Variants in SUZ12 observed in about 807,000 individuals in gnomAD.
SUZ12 encodes SUZ12 polycomb repressive complex 2 subunit.
In SUZ12, 17 loss-of-function variants were observed where a neutral mutation model predicts 87.3. The observed-to-expected ratio is 0.19, with a 90% CI of 0.13 to 0.29. SUZ12 has a LOEUF of 0.29. Ranked by LOEUF, SUZ12 falls within the 10% of genes least tolerant of loss-of-function variation. The probability of loss-of-function intolerance (pLI) is 1.00; values close to 1 mark genes in which losing one functional copy is unlikely to be tolerated. For synonymous variants in SUZ12, 253 were observed against 312.4 expected, an observed-to-expected ratio of 0.81 and a Z score of 2.01; for missense variants, 526 against 912.2, an observed-to-expected ratio of 0.58 and a Z score of 5.45.
chr17:31,964,327 T>C (rs369361702), intron 4 of SUZ12, among the ~76,000 whole-genome samples: 9,837 of 149,602 alleles, frequency 0.066, no homozygotes, highest in African/African-American at 0.22. Flanking sequence ...ACCCAGCCCC[T>C]AGCATACTTT....
At chr17:31,968,472 T>C (rs1456603222) in intron 5 of SUZ12, among the ~76,000 whole-genome samples, 2 of 152,202 alleles carry the variant, frequency 1.3e-5, no homozygotes, top group East Asian at 1.9e-4. Flanking sequence ...TCTCAAGTGA[T>C]CCTCTCACCT....
chr17:31,991,618 T>C (rs1040151504), intron 10 of SUZ12, among the ~76,000 whole-genome samples: 1 of 152,106 alleles, frequency 6.6e-6, no homozygotes, highest in Admixed American at 6.6e-5. Context: ...TAATTATTTT[T>C]TTTGGAGACG....
chr17:31,949,891 C>T (rs1455897981), intron 4 of SUZ12, among the ~76,000 whole-genome samples: 3 of 151,884 alleles, frequency 2.0e-5, no homozygotes, highest in Non-Finnish European at 4.4e-5. Context: ...CCATGTTGGC[C>T]AGGCTGGTCT....
intron 6 of SUZ12, among the ~76,000 whole-genome samples, chr17:31,974,096 G>A (rs1908595812): frequency 6.6e-6 from 1 of 152,086 alleles, no homozygotes; most frequent in African/African-American, 2.4e-5. Flanking sequence ...GATGGCCTGT[G>A]CCTGTAGTCC....
At chr17:31,952,625 C>T (rs774945316) in intron 4 of SUZ12, among the ~76,000 whole-genome samples, 18 of 152,038 alleles carry the variant, frequency 1.2e-4, no homozygotes, top group African/African-American at 2.7e-4. Context: ...TGCAGTAGCG[C>T]GATCTCGGCT....
intron 4 of SUZ12, among the ~76,000 whole-genome samples, chr17:31,954,723 A>C (rs192073265): frequency 6.6e-6 from 1 of 152,330 alleles, no homozygotes; most frequent in African/African-American, 2.4e-5. Flanking sequence ...CGATCAGGGA[A>C]GGCATCTCTG....
intron 4 of SUZ12, among the ~76,000 whole-genome samples, chr17:31,955,157 A>C (rs931770799): frequency 5.3e-5 from 8 of 152,256 alleles, no homozygotes; most frequent in Non-Finnish European, 1.2e-4. Flanking sequence ...GTGGCAGTAC[A>C]GTGGTGTGAT....
chr17:31,962,084 T>C (rs1463145578), intron 4 of SUZ12, among the ~76,000 whole-genome samples: 3 of 152,166 alleles, frequency 2.0e-5, no homozygotes, highest in Non-Finnish European at 2.9e-5. Flanking sequence ...TCTTGATTGA[T>C]TGGGTTTAGG....
At chr17:31,950,929 C>G (rs571587163) in intron 4 of SUZ12, among the ~76,000 whole-genome samples, 1 of 151,978 alleles carries the variant, frequency 6.6e-6, no homozygotes, top group Non-Finnish European at 1.5e-5. Context: ...TACAGGCGCC[C>G]GCCACCTTGC....
At chr17:31,973,947 C>T (rs867072878) in intron 6 of SUZ12, among the ~76,000 whole-genome samples, 4 of 151,716 alleles carry the variant, frequency 2.6e-5, no homozygotes, top group Non-Finnish European at 4.4e-5. Flanking sequence ...ATGTAAAGGC[C>T]GGTTGCCGTA....
chr17:31,973,553 C>T (rs1231207490), intron 6 of SUZ12, among the ~76,000 whole-genome samples: 3 of 152,152 alleles, frequency 2.0e-5, no homozygotes, highest in Non-Finnish European at 4.4e-5. Flanking sequence ...TGTTTGTACC[C>T]ATTGACATTT....
At chr17:31,941,171 A>G (rs56981867) in intron 3 of SUZ12, among the ~76,000 whole-genome samples, 7,339 of 148,934 alleles carry the variant, frequency 0.049, 569 homozygotes, top group African/African-American at 0.17. Flanking sequence ...GCGTGATCTC[A>G]GCTCACTGCA....
intron 6 of SUZ12, among the ~76,000 whole-genome samples, chr17:31,974,312 A>C (rs1453433494): frequency 1.3e-5 from 2 of 152,230 alleles, no homozygotes; most frequent in Non-Finnish European, 2.9e-5. Context: ...AGGTGGGCAG[A>C]TCACGAGGTC....
intron 4 of SUZ12, among the ~76,000 whole-genome samples, chr17:31,948,378 ACAG>A (rs1906760167): frequency 6.6e-6 from 1 of 152,182 alleles, no homozygotes; most frequent in Admixed American, 6.6e-5. Flanking sequence ...CTAAGGAGAA[ACAG>A]CAGCTTGGGT....
intron 4 of SUZ12, among the ~76,000 whole-genome samples, chr17:31,962,532 A>G (rs1157772713): frequency 6.6e-6 from 1 of 152,230 alleles, no homozygotes; most frequent in Non-Finnish European, 1.5e-5. Flanking sequence ...TGGAGGTTGC[A>G]GTGAGCCTAG....
At chr17:31,940,715 C>G (rs1057094901) in intron 3 of SUZ12, among the ~76,000 whole-genome samples, 2 of 148,836 alleles carry the variant, frequency 1.3e-5, no homozygotes, top group African/African-American at 4.9e-5. Flanking sequence ...TTTTTTTTAT[C>G]CTCTAATAGA....
chr17:31,957,977 A>G (rs538649411), intron 4 of SUZ12, among the ~76,000 whole-genome samples: 2 of 135,454 alleles, frequency 1.5e-5, no homozygotes, highest in African/African-American at 5.7e-5. Context: ...ATCTCCGCTC[A>G]CTGCAAGTTC....
At chr17:31,943,757 G>A (rs1906447207) in intron 3 of SUZ12, among the ~76,000 whole-genome samples, 1 of 151,404 alleles carries the variant, frequency 6.6e-6, no homozygotes, top group Non-Finnish European at 1.5e-5. Context: ...CTGGAGTGCC[G>A]TGGCGCAATT....
At chr17:31,997,133 C>G (rs1047834377) in intron 15 of SUZ12, among the ~76,000 whole-genome samples, 1 of 151,918 alleles carries the variant, frequency 6.6e-6, no homozygotes, top group Non-Finnish European at 1.5e-5. Context: ...AGGCAAAAAC[C>G]GGGCCTTGCC....
Sources: allele counts gnomAD v4.1 joint callset (sites outside exome capture counted in the v4.1 genomes callset), GRCh38; gene constraint gnomAD v4.1.1; transcripts MANE v1.5; gene names NCBI Gene and HGNC (gene_info 2026-07-23, HGNC 2026-07-21).